The following GRM7 variants were observed in gnomAD, a reference collection of about 807,000 sequenced individuals.
GRM7 encodes glutamate metabotropic receptor 7, also known as metabotropic glutamate receptor 7.
Under a neutral mutation model 84.5 loss-of-function variants are expected in GRM7, and 35 were observed. The observed-to-expected ratio is 0.41, with a 90% CI of 0.32 to 0.55. GRM7 has a LOEUF of 0.55. Ranked by LOEUF, GRM7 falls within the 20% of genes least tolerant of loss-of-function variation. The pLI is 0.19. For missense variants in GRM7, 1,003 were observed against 1,194.6 expected (o/e 0.84, Z 2.36); for synonymous variants, 487 against 455.1 (o/e 1.07, Z -0.89).
intron 2 of GRM7, among the ~76,000 whole-genome samples, chr3:7,187,314 C>T (rs1459676447): frequency 1.3e-5 from 2 of 152,164 alleles, no homozygotes; most frequent in African/African-American, 4.8e-5. Context: ...CCTATTGCTT[C>T]CCATTCCATG....
intron 4 of GRM7, among the ~76,000 whole-genome samples, chr3:7,358,247 G>A (rs533940764): frequency 6.6e-6 from 1 of 152,224 alleles, no homozygotes; most frequent in Non-Finnish European, 1.5e-5. Context: ...TGATTGTAGA[G>A]TCCAAGTTAT....
chr3:7,131,665 G>C (rs1693603939), intron 1 of GRM7, among the ~76,000 whole-genome samples: 1 of 142,094 alleles, frequency 7.0e-6, no homozygotes, highest in Non-Finnish European at 1.5e-5. Flanking sequence ...TTTTAGTAGA[G>C]ATGGGGTTTC....
At chr3:7,120,048 A>T (rs186371395) in intron 1 of GRM7, among the ~76,000 whole-genome samples, 1 of 152,086 alleles carries the variant, frequency 6.6e-6, no homozygotes, top group Non-Finnish European at 1.5e-5. Context: ...TAGGAGATTG[A>T]GAGATAAAAT....
intron 9 of GRM7, among the ~76,000 whole-genome samples, chr3:7,713,124 GTTTTTTTTTT>G (rs5846535): frequency 1.0e-5 from 1 of 97,124 alleles, no homozygotes; most frequent in Non-Finnish European, 2.2e-5. Flanking sequence ...ATTTTGTTTT[GTTTTTTTTTT>G]TTTTTTTTTT....
At chr3:7,738,727 T>C (rs1397136753) in intron 9 of GRM7, among the ~76,000 whole-genome samples, 1 of 146,338 alleles carries the variant, frequency 6.8e-6, no homozygotes, top group Non-Finnish European at 1.5e-5. Context: ...GGTTTTCTTT[T>C]TTTTTTTTTT....
chr3:6,880,223 C>A (rs1282531584), intron 1 of GRM7, among the ~76,000 whole-genome samples: 1 of 152,104 alleles, frequency 6.6e-6, no homozygotes, highest in Non-Finnish European at 1.5e-5. Context: ...GACAAAGAAC[C>A]CCAAATTCTA....
intron 8 of GRM7, among the ~76,000 whole-genome samples, chr3:7,663,797 A>C (rs1297522264): frequency 6.6e-6 from 1 of 152,228 alleles, no homozygotes; most frequent in Non-Finnish European, 1.5e-5. Flanking sequence ...AAGATAATAC[A>C]TTGGCACATA....
At chr3:7,547,194 CTTTTTTTTTTTT>C (rs55678792) in intron 7 of GRM7, among the ~76,000 whole-genome samples, 32 of 76,422 alleles carry the variant, frequency 4.2e-4, no homozygotes, top group African/African-American at 1.6e-3. Flanking sequence ...AGAGTGAATT[CTTTTTTTTTTTT>C]TTTTTTTTTT....
rs1559492686 is a variant in GRM7, at chr3:7,188,259, C to G, written c.736+41591C>G. 6.6e-6 allele frequency among the ~76,000 whole-genome samples: 1 copy of G among 152,048 alleles called. No homozygotes were observed. On this transcript the variant is annotated intron_variant, in intron 2 of 9. Transcript: ENST00000357716. This position sits in a 1 kb window ranked among gnomAD's most constrained non-coding sequence, Gnocchi z 4.2. ...ATCAGCCTGCAGAAGAGCCAAAACT[C>G]CAGGCAGAGAACTTTATAGCTTATA... is the stretch of plus-strand genomic sequence containing the variant.
At chr3:7,673,285 T>C (rs1030589248) in intron 8 of GRM7, among the ~76,000 whole-genome samples, 1 of 152,194 alleles carries the variant, frequency 6.6e-6, no homozygotes, top group Non-Finnish European at 1.5e-5. Flanking sequence ...ATGCCAAGAA[T>C]ATTGATCATA....
At chr3:7,051,462 G>C (rs1036329028) in intron 1 of GRM7, among the ~76,000 whole-genome samples, 1 of 151,788 alleles carries the variant, frequency 6.6e-6, no homozygotes, top group Non-Finnish European at 1.5e-5. Flanking sequence ...CATCACTTCT[G>C]TCTTTCTGTT....
chr3:7,478,848 C>T (rs779695), intron 7 of GRM7, among the ~76,000 whole-genome samples: 48,097 of 151,978 alleles, frequency 0.32, 7,863 homozygotes, highest in East Asian at 0.37. Context: ...ACATCTTTGA[C>T]GGGTTAGCTT....
intron 7 of GRM7, among the ~76,000 whole-genome samples, chr3:7,511,206 T>G (rs1400235961): frequency 2.0e-5 from 3 of 152,168 alleles, no homozygotes; most frequent in African/African-American, 7.2e-5. Flanking sequence ...TTTACATGCC[T>G]GGCCCTCGAC....
chr3:6,987,968 C>A (rs568587392), intron 1 of GRM7, among the ~76,000 whole-genome samples: 5 of 148,230 alleles, frequency 3.4e-5, no homozygotes, highest in African/African-American at 1.2e-4. Context: ...ATCAGTATGA[C>A]ATCTAGGCAG....
intron 1 of GRM7, among the ~76,000 whole-genome samples, chr3:7,077,692 G>A (rs1698142327): frequency 6.6e-6 from 1 of 151,866 alleles, no homozygotes; most frequent in African/African-American, 2.4e-5. Context: ...TGCACGTTCT[G>A]CACATGTACC....
intron 8 of GRM7, among the ~76,000 whole-genome samples, chr3:7,662,161 TATC>T (rs994978865): frequency 6.6e-6 from 1 of 152,208 alleles, no homozygotes; most frequent in Non-Finnish European, 1.5e-5. Context: ...AAATAGTAGT[TATC>T]ATAGAATTTT....
intron 1 of GRM7, among the ~76,000 whole-genome samples, chr3:7,008,408 C>T (rs1448753810): frequency 6.6e-6 from 1 of 152,138 alleles, no homozygotes; most frequent in Non-Finnish European, 1.5e-5. Context: ...CGTCTGATGA[C>T]AATTCACATC....
rs140754490 is a variant in GRM7 at position 7,680,117 on chromosome 3, A to C, written c.2520A>C (p.Leu840=). Reference sequence around the variant, plus strand: ...GTGCATCAGTGGCGCTGGGGATGCTATACATGCCGAAAGTGTACATCATCA... The same window carrying C: ...GTGCATCAGTGGCGCTGGGGATGCTCTACATGCCGAAAGTGTACATCATCA... ...NLSASVALGM[L]YMPKVYIIIF... Residue 840 remains leucine, a synonymous_variant, in exon 9 of 10, where the codon CTA becomes CTC. Coordinates refer to ENST00000357716, the MANE Select transcript of GRM7 (RefSeq NM_000844.4). 1 of 1,613,894 alleles carries C rather than the reference A, an allele frequency of 6.2e-7. No individual in the cohort carries two copies. Among genetic ancestry groups the C allele is most frequent in the East Asian group, 2.2e-5 (1 of 44,858 alleles).
intron 6 of GRM7, among the ~76,000 whole-genome samples, chr3:7,458,748 C>T (rs1241933274): frequency 2.0e-5 from 3 of 152,104 alleles, no homozygotes; most frequent in Non-Finnish European, 4.4e-5. Context: ...TTTCTCCTCT[C>T]AAAGACTATG....
Sources: gnomAD v4.1 joint callset for allele counts (sites outside exome capture counted in the v4.1 genomes callset) on GRCh38, gnomAD v4.1.1 for gene constraint, Gnocchi (gnomAD v3.1) non-coding constraint, MANE v1.5 for transcripts, NCBI Gene and HGNC (gene_info 2026-07-23, HGNC 2026-07-21) for gene names.